DNAH9: variants seen among roughly 807,000 people sequenced by gnomAD.
The protein encoded by DNAH9 is dynein axonemal heavy chain 9.
Under a neutral mutation model 471.6 loss-of-function variants are expected in DNAH9, and 345 were observed. The observed-to-expected ratio is 0.73, with a 90% CI of 0.67 to 0.80. The LOEUF (loss-of-function observed/expected upper bound fraction) is 0.80. Ranked by LOEUF, DNAH9 falls within the 30% of genes least tolerant of loss-of-function variation. DNAH9 has a pLI of 0.00. For synonymous variants in DNAH9, 2,093 were observed against 2,123.6 expected, an observed-to-expected ratio of 0.99 and a Z score of 0.40; for missense variants, 5,407 against 5,609.2, an observed-to-expected ratio of 0.96 and a Z score of 1.15.
At chr17:11,869,572 TAG>T (rs1238138126) in intron 51 of DNAH9, among the ~76,000 whole-genome samples, 2 of 152,216 alleles carry the variant, frequency 1.3e-5, no homozygotes, top group Non-Finnish European at 2.9e-5. Context: ...CAGCATTTTA[TAG>T]GCAAACCATG....
At chr17:11,925,169 T>C in intron 62 of DNAH9, 1 of 455,846 alleles carries the variant, frequency 2.2e-6, no homozygotes. Flanking sequence ...GGTAAAGAGA[T>C]GTTCCTTCTT....
At chr17:11,771,072 T>A (rs1968185961) in intron 38 of DNAH9, among the ~76,000 whole-genome samples, 1 of 152,204 alleles carries the variant, frequency 6.6e-6, no homozygotes, top group Non-Finnish European at 1.5e-5. Context: ...GTTTTGAATA[T>A]TTATTACCAT....
chr17:11,730,479 C>G lies in DNAH9; in HGVS notation c.5814+2557C>G, dbSNP rs993005104. On this transcript the variant is annotated intron_variant, in intron 28 of 68. Transcript: ENST00000262442. ...TTTTTATAAGAAATCAAATATGTTT[C>G]CTGGCTGCTTTCACCTTTGGCTGGT... is the stretch of plus-strand genomic sequence containing the variant. Among the ~76,000 whole-genome samples the G allele has an allele frequency of 2.0e-5, 3 of 152,140 alleles. No homozygotes were observed. The South Asian group carries it at 6.2e-4, about 31-fold the overall frequency.
chr17:11,651,350 A>G, intron 13 of DNAH9, 26 bp downstream of exon 13: 1 of 1,594,880 alleles, frequency 6.3e-7, no homozygotes, highest in South Asian at 1.1e-5. Flanking sequence ...CTGAAGTCTG[A>G]CAAAAACATG....
At chr17:11,671,650 A>T (rs901804139) in intron 17 of DNAH9, among the ~76,000 whole-genome samples, 1 of 152,190 alleles carries the variant, frequency 6.6e-6, no homozygotes, top group Non-Finnish European at 1.5e-5. Flanking sequence ...TTGCATATGG[A>T]AAGTGTGCTC....
intron 48 of DNAH9, among the ~76,000 whole-genome samples, chr17:11,823,751 G>A (rs981093772): frequency 6.6e-5 from 10 of 152,062 alleles, no homozygotes; most frequent in Admixed American, 4.6e-4. Context: ...CCAACATGGT[G>A]AAACTCCATC....
chr17:11,899,825 G>T (rs549337792), intron 59 of DNAH9, among the ~76,000 whole-genome samples: 1 of 152,104 alleles, frequency 6.6e-6, no homozygotes, highest in Admixed American at 6.6e-5. Context: ...CCTCCTGCTG[G>T]CCAGGCAGAT....
At chr17:11,767,688 T>G (rs1968012755) in intron 36 of DNAH9, among the ~76,000 whole-genome samples, 1 of 141,330 alleles carries the variant, frequency 7.1e-6, no homozygotes, top group African/African-American at 3.1e-5. Context: ...AATGGGTATG[T>G]TTTGGGTCTG....
At chr17:11,726,917 G>A (rs2075161873) in intron 27 of DNAH9, among the ~76,000 whole-genome samples, 1 of 151,982 alleles carries the variant, frequency 6.6e-6, no homozygotes, top group South Asian at 2.1e-4. Flanking sequence ...GCATGGTGGT[G>A]CACGCCTGTA....
At chr17:11,829,319 G>A (rs986046921) in intron 48 of DNAH9, among the ~76,000 whole-genome samples, 2 of 152,134 alleles carry the variant, frequency 1.3e-5, no homozygotes, top group African/African-American at 4.8e-5. Context: ...GGCGGGAGGA[G>A]GCTAAATGAA....
At position 11,915,874 on chromosome 17, in the gene DNAH9, T is replaced by C. The variant is rs56680679; in HGVS notation, c.11750-7940T>C. Among the ~76,000 whole-genome samples the C allele has an allele frequency of 8.6e-3, 1,308 of 152,364 alleles. 14 individuals carry two copies. The highest frequency in any genetic ancestry group is 0.03 in the African/African-American group (1,250 of 41,582). Reference sequence around the variant, plus strand: ...TTTTAATTTAATCATTCTGTTATAATTTTAACTTATGTTTTGCCTACCTGC... The same window carrying C: ...TTTTAATTTAATCATTCTGTTATAACTTTAACTTATGTTTTGCCTACCTGC... On this transcript the variant is annotated intron_variant, in intron 61 of 68. Coordinates refer to ENST00000262442, the MANE Select transcript of DNAH9 (RefSeq NM_001372.4).
chr17:11,767,356 C>A (rs1396051640), intron 36 of DNAH9, among the ~76,000 whole-genome samples: 1 of 152,142 alleles, frequency 6.6e-6, no homozygotes, highest in Non-Finnish European at 1.5e-5. Context: ...TTATAACGTC[C>A]CCTTGATCTA....
chr17:11,807,699 C>G (rs1472767134), intron 43 of DNAH9, 33 bp from the exon 44 acceptor site: 3 of 1,582,390 alleles, frequency 1.9e-6, no homozygotes, highest in Non-Finnish European at 2.6e-6. Flanking sequence ...AAAGTCTGAT[C>G]AAAGCAACAT....
chr17:11,790,101 A>T (rs1054406675), intron 41 of DNAH9, among the ~76,000 whole-genome samples: 3 of 137,296 alleles, frequency 2.2e-5, no homozygotes, highest in Non-Finnish European at 3.1e-5. Flanking sequence ...CTATGTCCCA[A>T]GATATAATCG....
intron 26 of DNAH9, chr17:11,705,634 A>G (rs1045556007): frequency 6.3e-6 from 1 of 159,340 alleles, no homozygotes; most frequent in Non-Finnish European, 1.4e-5. Flanking sequence ...ACATACAATT[A>G]GATAAAAGTA....
chr17:11,882,454 G>A lies in DNAH9; in HGVS notation c.10806+1041G>A, dbSNP rs915751243. Among the ~76,000 whole-genome samples the A allele has an allele frequency of 3.3e-5, 5 of 152,122 alleles. No homozygotes were observed. In the South Asian group the frequency reaches 6.2e-4, roughly 19 times the overall value. On this transcript the variant is annotated intron_variant, in intron 55 of 68. Coordinates refer to ENST00000262442, the MANE Select transcript of DNAH9 (RefSeq NM_001372.4). ...ATGTGATTAGATTATACAATATGGC[G>A]GGGTCGGTAGGTGGAATTCCAGTGC...
chr17:11,733,876 A>AAAAAAAAAAAAC (rs1480994426), intron 28 of DNAH9, among the ~76,000 whole-genome samples: 1 of 151,330 alleles, frequency 6.6e-6, no homozygotes, highest in African/African-American at 2.4e-5. Flanking sequence ...AAAAAAAAAA[A>AAAAAAAAAAAAC]AAAGTAAAAC....
At chr17:11,931,886 G>A (rs968173849) in intron 63 of DNAH9, 128 bp from the exon 64 acceptor site, 113 of 1,070,558 alleles carry the variant, frequency 1.1e-4, no homozygotes, top group South Asian at 4.9e-4. Flanking sequence ...TAGTCTCGCT[G>A]TAACTCAAAC....
At chr17:11,728,678 A>C (rs2075200722) in intron 28 of DNAH9, among the ~76,000 whole-genome samples, 1 of 152,178 alleles carries the variant, frequency 6.6e-6, no homozygotes, top group Non-Finnish European at 1.5e-5. Context: ...TCAGGATCCC[A>C]TGAACAATCG....
Sources: gnomAD v4.1 joint callset for allele counts (sites outside exome capture counted in the v4.1 genomes callset) on GRCh38, gnomAD v4.1.1 for gene constraint, MANE v1.5 for transcripts, NCBI Gene and HGNC (gene_info 2026-07-23, HGNC 2026-07-21) for gene names.